The following PITPNC1 variants were observed in gnomAD, a reference collection of about 807,000 sequenced individuals.
PITPNC1 encodes the protein phosphatidylinositol transfer protein cytoplasmic 1, also known as cytoplasmic phosphatidylinositol transfer protein 1.
In PITPNC1, 18 loss-of-function variants were observed where a neutral mutation model predicts 44.7. The ratio of observed to expected loss-of-function variants is 0.40; its 90% CI spans 0.28 to 0.60. The LOEUF is 0.60. Ranked by LOEUF, PITPNC1 falls within the 20% of genes least tolerant of loss-of-function variation. The pLI is 0.39. For missense variants in PITPNC1, 290 were observed against 418.4 expected, an observed-to-expected ratio of 0.69 and a Z score of 2.68; for synonymous variants, 141 against 149.6, an observed-to-expected ratio of 0.94 and a Z score of 0.42.
At chr17:67,417,153 C>A (rs767325516) in intron 1 of PITPNC1, among the ~76,000 whole-genome samples, 15 of 148,758 alleles carry the variant, frequency 1.0e-4, no homozygotes, top group African/African-American at 3.7e-4. Context: ...TTTTTTGAGA[C>A]ATGGTTTTGC....
At chr17:67,674,130 A>G (rs2042561356) in intron 7 of PITPNC1, among the ~76,000 whole-genome samples, 1 of 152,138 alleles carries the variant, frequency 6.6e-6, no homozygotes, top group Non-Finnish European at 1.5e-5. Context: ...GGAATGGGGT[A>G]TCCATCCCCT....
chr17:67,491,772 C>T (rs2039867485), intron 1 of PITPNC1, among the ~76,000 whole-genome samples: 2 of 152,240 alleles, frequency 1.3e-5, no homozygotes, highest in South Asian at 2.1e-4. Context: ...TTCAAGGCTG[C>T]GGTGAGCTGT....
chr17:67,668,660 G>T (rs964260124), intron 6 of PITPNC1, among the ~76,000 whole-genome samples: 4 of 152,068 alleles, frequency 2.6e-5, no homozygotes, highest in African/African-American at 9.7e-5. Context: ...TCAGGAGATC[G>T]AGACCATCCT....
At chr17:67,521,641 G>A (rs1360807870) in intron 1 of PITPNC1, among the ~76,000 whole-genome samples, 2 of 152,070 alleles carry the variant, frequency 1.3e-5, no homozygotes, top group African/African-American at 4.8e-5. Context: ...GGGCCTGGAA[G>A]ACTGGGGCTT....
chr17:67,583,737 C>T (rs1469644942), intron 5 of PITPNC1, among the ~76,000 whole-genome samples: 1 of 142,856 alleles, frequency 7.0e-6, no homozygotes, highest in South Asian at 2.4e-4. Flanking sequence ...CTCTGTCACC[C>T]AGGCTGGAGT....
At chr17:67,567,932 A>G (rs2041002709) in intron 4 of PITPNC1, among the ~76,000 whole-genome samples, 1 of 152,158 alleles carries the variant, frequency 6.6e-6, no homozygotes, top group Admixed American at 6.5e-5. Flanking sequence ...AGATCACACC[A>G]CTGCACTCCA....
chr17:67,586,989 G>C (rs2041327051), intron 5 of PITPNC1, among the ~76,000 whole-genome samples: 1 of 152,166 alleles, frequency 6.6e-6, no homozygotes, highest in Non-Finnish European at 1.5e-5. Flanking sequence ...TGTTAGAATT[G>C]ATGCGGGGCA....
At position 67,442,376 on chromosome 17, in the gene PITPNC1, C is replaced by T. The variant is rs541284377; in HGVS notation, c.48+64174C>T. Reference sequence around the variant, plus strand: ...CTGTAATCCTATTATTGTCAACCCTCGTAAGCCCGCCCAGTGGATGAGGTG... The same window carrying T: ...CTGTAATCCTATTATTGTCAACCCTTGTAAGCCCGCCCAGTGGATGAGGTG... On this transcript the variant is annotated intron_variant, in intron 1 of 8. Transcript: ENST00000581322. Among the ~76,000 whole-genome samples, 4 of 150,908 alleles carry T rather than the reference C, an allele frequency of 2.7e-5. No individual in the cohort carries two copies. In the South Asian group the frequency reaches 6.3e-4, roughly 24 times the overall value.
intron 2 of PITPNC1, among the ~76,000 whole-genome samples, chr17:67,538,552 A>G (rs2040561504): frequency 6.6e-6 from 1 of 152,218 alleles, no homozygotes; most frequent in Non-Finnish European, 1.5e-5. Context: ...ATGAGCCAAG[A>G]TCGTGCCACT....
intron 1 of PITPNC1, among the ~76,000 whole-genome samples, chr17:67,484,998 G>A (rs2039757667): frequency 6.6e-6 from 1 of 152,072 alleles, no homozygotes; most frequent in African/African-American, 2.4e-5. Flanking sequence ...TGATCGTTGT[G>A]CCAAGAAAGT....
At chr17:67,618,076 C>A (rs2041782849) in intron 5 of PITPNC1, among the ~76,000 whole-genome samples, 1 of 151,936 alleles carries the variant, frequency 6.6e-6, no homozygotes, top group Non-Finnish European at 1.5e-5. Flanking sequence ...AAAATGAAAA[C>A]CAGGCCAGGT....
chr17:67,671,503 G>A (rs1263608840), intron 7 of PITPNC1, among the ~76,000 whole-genome samples: 1 of 152,040 alleles, frequency 6.6e-6, no homozygotes, highest in Non-Finnish European at 1.5e-5. Context: ...TTGAGATTGG[G>A]GGCCAGTTAA....
intron 1 of PITPNC1, among the ~76,000 whole-genome samples, chr17:67,424,198 A>G (rs972603342): frequency 6.6e-6 from 1 of 152,138 alleles, no homozygotes; most frequent in Non-Finnish European, 1.5e-5. Context: ...GGTAGAAGCC[A>G]ATAGAGAAAG....
chr17:67,408,640 T>G (rs990513293), intron 1 of PITPNC1: 1 of 152,112 alleles, frequency 6.6e-6, no homozygotes, highest in African/African-American at 2.4e-5. Flanking sequence ...TTCCTTTCCT[T>G]TCCTTTTCCT....
At chr17:67,573,270 A>G (rs2041088195) in intron 4 of PITPNC1, among the ~76,000 whole-genome samples, 1 of 152,156 alleles carries the variant, frequency 6.6e-6, no homozygotes, top group Non-Finnish European at 1.5e-5. Context: ...CCAAAAAAGA[A>G]AAAAATCATG....
intron 4 of PITPNC1, among the ~76,000 whole-genome samples, chr17:67,570,993 G>C (rs1381666027): frequency 6.6e-6 from 1 of 152,128 alleles, no homozygotes; most frequent in East Asian, 1.9e-4. Flanking sequence ...CCCTTCCCTT[G>C]CACTTGCTTG....
At chr17:67,598,126 G>T (rs992873272) in intron 5 of PITPNC1, among the ~76,000 whole-genome samples, 1 of 152,110 alleles carries the variant, frequency 6.6e-6, no homozygotes, top group Admixed American at 6.5e-5. Flanking sequence ...GGAGGCTGAG[G>T]CAGGAGAATC....
intron 1 of PITPNC1, among the ~76,000 whole-genome samples, chr17:67,408,348 G>A (rs1344026501): frequency 6.6e-6 from 1 of 151,548 alleles, no homozygotes; most frequent in Non-Finnish European, 1.5e-5. Flanking sequence ...TGGCCAACAT[G>A]GTGAAACCCC....
At chr17:67,628,319 G>T (rs1434685775) in intron 5 of PITPNC1, among the ~76,000 whole-genome samples, 1 of 152,046 alleles carries the variant, frequency 6.6e-6, no homozygotes, top group African/African-American at 2.4e-5. Flanking sequence ...GGCTATCTTT[G>T]TAGTCCCTCA....
Sources: gnomAD v4.1 joint callset for allele counts (sites outside exome capture counted in the v4.1 genomes callset) on GRCh38, gnomAD v4.1.1 for gene constraint, MANE v1.5 for transcripts, NCBI Gene and HGNC (gene_info 2026-07-23, HGNC 2026-07-21) for gene names.